Variants in GNAI1 observed in about 807,000 individuals in gnomAD.
GNAI1 encodes G protein subunit alpha i1.
GNAI1 carries 11 observed loss-of-function variants against 38.9 expected under a neutral mutation model. The observed-to-expected ratio is 0.28, with a 90% CI of 0.18 to 0.47. The LOEUF (loss-of-function observed/expected upper bound fraction) is 0.47, where lower values mean the gene tolerates loss of function less well. GNAI1 is among the 20% of genes least tolerant of loss of function. The pLI is 0.99. For synonymous variants in GNAI1, 166 were observed against 145.1 expected (o/e 1.14, Z -1.04); for missense variants, 317 against 436.9 (o/e 0.73, Z 2.45).
intron 1 of GNAI1, among the ~76,000 whole-genome samples, chr7:80,145,118 C>G (rs1413924069): frequency 6.6e-6 from 1 of 152,182 alleles, no homozygotes; most frequent in Non-Finnish European, 1.5e-5. Context: ...GGTCTCAAGT[C>G]ATGCCTAGCT....
In GNAI1 at chr7:80,212,699, A is replaced by AT. The variant is rs778623078; in HGVS notation, c.721-10dup. 9 of 1,452,960 alleles carry AT rather than the reference A, an allele frequency of 6.2e-6. No individual in the cohort carries two copies. The highest frequency in any genetic ancestry group is 2.8e-5 in the Admixed American group (1 of 35,570). The allele number at this position is 1,452,960 out of a possible 1,614,324, so 90.0% of individuals were successfully genotyped here. ...CTTGCTGTTAGTGACGATTGGTTTT[A>AT]TTTTTTTCTATTACAGAACCGAATG... is the stretch of plus-strand genomic sequence containing the variant. On this transcript the variant is annotated splice_polypyrimidine_tract_variant and intron_variant, in intron 6 of 7. Transcript: ENST00000649796.
chr7:80,164,358 C>T (rs1247991637), intron 1 of GNAI1, among the ~76,000 whole-genome samples: 1 of 150,050 alleles, frequency 6.7e-6, no homozygotes, highest in Admixed American at 6.6e-5. Context: ...TTTTTTCTTG[C>T]TTTCCTTTTT....
At chr7:80,167,680 T>C (rs1427924846) in intron 1 of GNAI1, among the ~76,000 whole-genome samples, 1 of 152,220 alleles carries the variant, frequency 6.6e-6, no homozygotes, top group Non-Finnish European at 1.5e-5. Context: ...TGTTTCCTTA[T>C]ATAGAATCAT....
intron 1 of GNAI1, among the ~76,000 whole-genome samples, chr7:80,170,095 C>T (rs567914474): frequency 1.5e-4 from 23 of 152,286 alleles, no homozygotes; most frequent in Middle Eastern, 3.4e-3. Context: ...CTTGTTTCCA[C>T]CATTTTGCTA....
intron 3 of GNAI1, among the ~76,000 whole-genome samples, chr7:80,198,013 T>C (rs981309336): frequency 4.6e-5 from 7 of 152,026 alleles, no homozygotes; most frequent in African/African-American, 1.7e-4. Flanking sequence ...AAGCTACATA[T>C]CTCAAGTTAA....
intron 5 of GNAI1, among the ~76,000 whole-genome samples, chr7:80,207,249 A>T (rs113976874): frequency 1.2e-4 from 19 of 152,222 alleles, no homozygotes; most frequent in African/African-American, 4.6e-4. Context: ...ATTATTTGGT[A>T]CTTAAGGCAG....
chr7:80,137,599 C>T lies in GNAI1; in HGVS notation c.118+2321C>T, dbSNP rs143193709. Among the ~76,000 whole-genome samples the T allele has an allele frequency of 5.3e-3, 808 of 152,274 alleles. 9 individuals are homozygous for T. Among genetic ancestry groups the T allele is most frequent in the African/African-American group, 0.018 (744 of 41,562 alleles). On this transcript the variant is annotated intron_variant, in intron 1 of 7. Coordinates refer to ENST00000649796, the MANE Select transcript of GNAI1 (RefSeq NM_002069.6). The stretch of plus-strand genomic sequence containing the variant: ...CCTCCCGAAGTTCTGGGATTACAGG[C>T]GTGAGCCACCTTGCCCGGCCAGAAT...
chr7:80,200,057 T>G (rs536701382), intron 4 of GNAI1, among the ~76,000 whole-genome samples: 91 of 151,856 alleles, frequency 6.0e-4, no homozygotes, highest in African/African-American at 2.1e-3. Context: ...GCTCATTGCT[T>G]GTAATCCCAG....
chr7:80,141,658 G>A (rs1301879446), intron 1 of GNAI1, among the ~76,000 whole-genome samples: 1 of 152,022 alleles, frequency 6.6e-6, no homozygotes, highest in East Asian at 1.9e-4. Context: ...CCTGTTTCTT[G>A]CCTCTGGAAT....
rs561476708 is a variant in GNAI1, at chr7:80,209,362, A to T, written c.591-1607A>T. Reference sequence around the variant, plus strand: ...CTGGCAAGCTTGGACATGAATTGTCATAACATTGTGGAGGAAGAATTACAT... The same window carrying T: ...CTGGCAAGCTTGGACATGAATTGTCTTAACATTGTGGAGGAAGAATTACAT... On this transcript the variant is annotated intron_variant, in intron 5 of 7. Transcript: ENST00000649796. Among the ~76,000 whole-genome samples the T allele has an allele frequency of 1.2e-4, 18 of 152,330 alleles. No homozygotes were observed. In the East Asian group the frequency reaches 2.9e-3, roughly 24 times the overall value.
At chr7:80,156,624 G>T (rs1787823199) in intron 1 of GNAI1, among the ~76,000 whole-genome samples, 1 of 151,974 alleles carries the variant, frequency 6.6e-6, no homozygotes, top group African/African-American at 2.4e-5. Context: ...CGTAGAGGTG[G>T]TATCTTGCTC....
intron 1 of GNAI1, among the ~76,000 whole-genome samples, chr7:80,185,560 T>A (rs754535844): frequency 1.3e-4 from 20 of 152,102 alleles, no homozygotes; most frequent in Non-Finnish European, 2.8e-4. Flanking sequence ...CCAAAACCCC[T>A]AAAAACGCTA....
chr7:80,175,663 A>G (rs1421065747), intron 1 of GNAI1, among the ~76,000 whole-genome samples: 1 of 150,992 alleles, frequency 6.6e-6, no homozygotes, highest in Admixed American at 6.6e-5. Flanking sequence ...TCTGTGTCAC[A>G]TTTTGGTAGT....
chr7:80,197,658 A>G (rs2115662733), intron 3 of GNAI1, among the ~76,000 whole-genome samples: 1 of 152,186 alleles, frequency 6.6e-6, no homozygotes, highest in South Asian at 2.1e-4. Flanking sequence ...ACTGGAAACC[A>G]TGTTATGTGA....
At chr7:80,178,542 G>A (rs1417713651) in intron 1 of GNAI1, among the ~76,000 whole-genome samples, 1 of 152,174 alleles carries the variant, frequency 6.6e-6, no homozygotes, top group Admixed American at 6.5e-5. Context: ...CACCATGGAG[G>A]CAGGACCCTT....
chr7:80,172,922 G>C (rs1788121751), intron 1 of GNAI1, among the ~76,000 whole-genome samples: 1 of 152,214 alleles, frequency 6.6e-6, no homozygotes, highest in African/African-American at 2.4e-5. Flanking sequence ...GGTTTATGGA[G>C]TGTGACAGAG....
rs920991423 is a variant in GNAI1 at position 80,224,101 on chromosome 7, A to G, written c.*6608A>G. Among the ~76,000 whole-genome samples, 5 of 152,236 alleles carry G rather than the reference A, an allele frequency of 3.3e-5. No individual in the cohort carries two copies. Among genetic ancestry groups the G allele is most frequent in the Admixed American group, 6.5e-5 (1 of 15,286 alleles). On this transcript the variant is annotated 3_prime_UTR_variant, in exon 8 of 8. Coordinates refer to ENST00000649796, the MANE Select transcript of GNAI1 (RefSeq NM_002069.6). ...AAGACCTTGAAAAATGTACTCATAT[A>G]GTAAGATTTACTCAAAACCACGAAC...
At chr7:80,145,005 G>C (rs1787593562) in intron 1 of GNAI1, among the ~76,000 whole-genome samples, 1 of 152,120 alleles carries the variant, frequency 6.6e-6, no homozygotes, top group Non-Finnish European at 1.5e-5. Flanking sequence ...GACCAACACT[G>C]AGCACTTGCC....
chr7:80,145,179 A>T (rs562505173), intron 1 of GNAI1, among the ~76,000 whole-genome samples: 6 of 152,206 alleles, frequency 3.9e-5, no homozygotes, highest in Admixed American at 1.3e-4. Context: ...TTTTTAATCT[A>T]TTTTTTTATT....
Sources: allele counts gnomAD v4.1 joint callset (sites outside exome capture counted in the v4.1 genomes callset), GRCh38; gene constraint gnomAD v4.1.1; transcripts MANE v1.5; gene names NCBI Gene and HGNC (gene_info 2026-07-23, HGNC 2026-07-21).